CNTN4: variants seen among roughly 807,000 people sequenced by gnomAD.
CNTN4 encodes contactin-4.
In CNTN4, 77 loss-of-function variants were observed where a neutral mutation model predicts 122.5. The observed-to-expected ratio is 0.63, with a 90% CI of 0.52 to 0.76. The LOEUF (loss-of-function observed/expected upper bound fraction) is 0.76, where lower values mean the gene tolerates loss of function less well. CNTN4 is among the 30% of genes least tolerant of loss of function. The probability of loss-of-function intolerance (pLI) is 0.00; values close to 1 mark genes in which losing one functional copy is unlikely to be tolerated. For missense variants in CNTN4, 1,256 were observed against 1,259.1 expected (o/e 1.00, Z 0.04); for synonymous variants, 512 against 447.0 (o/e 1.15, Z -1.83).
intron 2 of CNTN4, among the ~76,000 whole-genome samples, chr3:2,196,446 A>G (rs1485939803): frequency 6.6e-6 from 1 of 152,124 alleles, no homozygotes; most frequent in Non-Finnish European, 1.5e-5. Context: ...CTCTTTGTGC[A>G]TTTGTTCAAT....
chr3:2,449,348 C>G (rs757655075), intron 3 of CNTN4, among the ~76,000 whole-genome samples: 1 of 151,466 alleles, frequency 6.6e-6, no homozygotes, highest in South Asian at 2.1e-4. Flanking sequence ...GGCGTGGTGA[C>G]TCACACCTGT....
At chr3:2,572,752 T>A (rs1408402947) in intron 4 of CNTN4, among the ~76,000 whole-genome samples, 1 of 152,198 alleles carries the variant, frequency 6.6e-6, no homozygotes, top group Non-Finnish European at 1.5e-5. Context: ...TGTACTGGGA[T>A]CTGGGAATAT....
intron 2 of CNTN4, among the ~76,000 whole-genome samples, chr3:2,296,512 T>C (rs1423815575): frequency 6.6e-6 from 1 of 152,130 alleles, no homozygotes; most frequent in Non-Finnish European, 1.5e-5. Flanking sequence ...CACTGTAATA[T>C]ACCATAATTG....
At chr3:2,802,478 T>C (rs1187984430) in intron 6 of CNTN4, among the ~76,000 whole-genome samples, 3 of 152,230 alleles carry the variant, frequency 2.0e-5, no homozygotes, top group Non-Finnish European at 4.4e-5. Flanking sequence ...CTGTCTAGTG[T>C]TCATAAGCAT....
intron 9 of CNTN4, 137 bp from the exon 10 acceptor site, chr3:2,886,903 A>T: frequency 1.5e-6 from 1 of 668,036 alleles, no homozygotes; most frequent in Non-Finnish European, 2.6e-6. Flanking sequence ...TTAAAGTTAT[A>T]ATGGAGATAG....
At chr3:2,781,716 ATTTTTTTTTTTTT>A (rs59896254) in intron 6 of CNTN4, among the ~76,000 whole-genome samples, 9 of 85,954 alleles carry the variant, frequency 1.0e-4, no homozygotes, top group Non-Finnish European at 1.5e-4. Context: ...CTTTGGGTAA[ATTTTTTTTTTTTT>A]TTTTTTTTTT....
chr3:2,243,191 C>A (rs1461169959), intron 2 of CNTN4, among the ~76,000 whole-genome samples: 3 of 152,122 alleles, frequency 2.0e-5, no homozygotes, highest in African/African-American at 7.2e-5. Context: ...TCTTTTGAGA[C>A]CTACCTTTGT....
chr3:2,731,800 G>A (rs938853688), intron 4 of CNTN4, among the ~76,000 whole-genome samples: 1 of 152,156 alleles, frequency 6.6e-6, no homozygotes, highest in South Asian at 2.1e-4. Flanking sequence ...AAATGGTAGT[G>A]GTTACAGTAT....
intron 2 of CNTN4, among the ~76,000 whole-genome samples, chr3:2,288,845 A>C (rs1467078591): frequency 6.6e-6 from 1 of 152,154 alleles, no homozygotes; most frequent in Admixed American, 6.6e-5. Flanking sequence ...AATTAGAGAA[A>C]AGAGGGATGT....
chr3:2,970,187 T>A (rs1374292977), intron 13 of CNTN4, among the ~76,000 whole-genome samples: 1 of 152,092 alleles, frequency 6.6e-6, no homozygotes, highest in Non-Finnish European at 1.5e-5. Flanking sequence ...CTCTAACTCC[T>A]GGGCTCAAGC....
At chr3:2,875,177 C>G (rs1577118974) in intron 8 of CNTN4, among the ~76,000 whole-genome samples, 1 of 151,940 alleles carries the variant, frequency 6.6e-6, no homozygotes, top group Admixed American at 6.6e-5. Flanking sequence ...GAGACAGGGT[C>G]TCACCATGTT....
chr3:2,719,450 A>G (rs2149385274), intron 4 of CNTN4, among the ~76,000 whole-genome samples: 1 of 152,230 alleles, frequency 6.6e-6, no homozygotes, highest in South Asian at 2.1e-4. Flanking sequence ...ATGCACCACC[A>G]TGCCCAGCTG....
intron 13 of CNTN4, among the ~76,000 whole-genome samples, chr3:2,937,977 G>A (rs1027044174): frequency 2.0e-4 from 31 of 152,000 alleles, no homozygotes; most frequent in African/African-American, 7.0e-4. Context: ...TGGAAGAGGT[G>A]GAAGGACAAA....
At position 2,546,933 on chromosome 3, in the gene CNTN4, A is replaced by G. The variant is rs186188749; in HGVS notation, c.-88-24483A>G. 2.4e-3 allele frequency among the ~76,000 whole-genome samples: 370 copies of G among 152,262 alleles called. 1 individual carries two copies. Among genetic ancestry groups the G allele is most frequent in the African/African-American group, 8.7e-3 (361 of 41,572 alleles). ...AAAAGCAGGAAAATGTAAAATCATT[A>G]GGTATGATGATGATAGTAGTTAACT... On this transcript the variant is annotated intron_variant, in intron 3 of 24. Transcript: ENST00000418658.
chr3:2,358,980 T>C (rs906743330), intron 3 of CNTN4, among the ~76,000 whole-genome samples: 22 of 152,142 alleles, frequency 1.4e-4, no homozygotes, highest in African/African-American at 5.3e-4. Context: ...TGGCCTCCAG[T>C]TGTGGTTAGG....
At position 2,385,959 on chromosome 3, in the gene CNTN4, CCTT is replaced by C. The variant is rs946660783; in HGVS notation, c.-89+46730_-89+46732del. Among the ~76,000 whole-genome samples the C allele has an allele frequency of 1.3e-5, 2 of 152,060 alleles. No homozygotes were observed. The highest frequency in any genetic ancestry group is 2.9e-5 in the Non-Finnish European group (2 of 68,040). ...TCACTCAGCAGTCGCTCCCGAGAAT[CCTT>C]CTTTTTATGTTCAGAAGAGAGGTTA... On this transcript the variant is annotated intron_variant, in intron 3 of 24. Transcript: ENST00000418658. The surrounding 1 kb of genome is among the most constrained non-coding windows in gnomAD (Gnocchi z 4.0).
chr3:2,613,798 C>G (rs10510236), intron 4 of CNTN4, among the ~76,000 whole-genome samples: 3 of 151,728 alleles, frequency 2.0e-5, no homozygotes, highest in East Asian at 3.9e-4. Context: ...CTATAAAAGT[C>G]TGATCAACAG....
intron 13 of CNTN4, among the ~76,000 whole-genome samples, chr3:2,945,039 TGGA>T (rs1419970742): frequency 6.6e-6 from 1 of 152,136 alleles, no homozygotes; most frequent in African/African-American, 2.4e-5. Context: ...ATAAGCTTAG[TGGA>T]GGCAGTTCCC....
At chr3:2,158,516 G>T (rs958005143) in intron 2 of CNTN4, among the ~76,000 whole-genome samples, 1 of 152,174 alleles carries the variant, frequency 6.6e-6, no homozygotes. Context: ...AAATGGTTGG[G>T]CCGGATGTCC....
Sources: gnomAD v4.1 joint callset for allele counts (sites outside exome capture counted in the v4.1 genomes callset) on GRCh38, gnomAD v4.1.1 for gene constraint, Gnocchi (gnomAD v3.1) non-coding constraint, MANE v1.5 for transcripts, NCBI Gene and HGNC (gene_info 2026-07-23, HGNC 2026-07-21) for gene names.